OSR2: variants seen among roughly 807,000 people sequenced by gnomAD.
OSR2 encodes protein odd-skipped-related 2.
In OSR2, 8 loss-of-function variants were observed where a neutral mutation model predicts 22.3. The observed-to-expected ratio is 0.36, with a 90% CI of 0.21 to 0.65. The LOEUF is 0.65. Among genes scored for constraint, OSR2 ranks in the 30% least tolerant of loss-of-function variants. The pLI is 0.66. For synonymous variants in OSR2, 179 were observed against 173.8 expected (o/e 1.03, Z -0.23); for missense variants, 311 against 413.4 (o/e 0.75, Z 2.15).
Position 98,948,298 on chromosome 8 carries a change from T to G in OSR2, c.-114-541T>G. ...GCCGGCTTCGCTCTTGCACGCCGGC[T>G]TGCCATCCGGGTAAGCGCGGGAAAG... is the stretch of plus-strand genomic sequence containing the variant. On this transcript the variant is annotated intron_variant, in intron 1 of 3. Coordinates refer to ENST00000297565, the MANE Select transcript of OSR2 (RefSeq NM_001142462.3). This position sits in a 1 kb window ranked among gnomAD's most constrained non-coding sequence, Gnocchi z 6.0. 1 of 1,523,750 alleles carries G rather than the reference T, an allele frequency of 6.6e-7. No homozygotes were observed. The highest frequency in any genetic ancestry group is 1.4e-5 in the African/African-American group (1 of 72,248). 94.4% of individuals were successfully genotyped at this position (1,523,750 alleles called of 1,614,324 possible).
intron 1 of OSR2, among the ~76,000 whole-genome samples, chr8:98,947,509 C>G (rs1840643689): frequency 6.6e-6 from 1 of 152,144 alleles, no homozygotes. Context: ...ACTCCTACAC[C>G]TGGGGGTCTG....
In OSR2 at chr8:98,951,504, T is replaced by C. The variant is rs1211808392; in HGVS notation, c.757-15T>C. On this transcript the variant is annotated splice_polypyrimidine_tract_variant and intron_variant, in intron 3 of 3. Coordinates refer to ENST00000297565, the MANE Select transcript of OSR2 (RefSeq NM_001142462.3). ...TGTGAAGGATTAATCCTTTGCTTGC[T>C]TCACATCTGAACAGGAATCTCCACA... The C allele has an allele frequency of 6.4e-7, 1 of 1,565,072 alleles. No individual in the cohort carries two copies. The highest frequency in any genetic ancestry group is 1.9e-5 in the Admixed American group (1 of 52,154).
chr8:98,948,939 C>A lies in OSR2; in HGVS notation c.-14C>A, dbSNP rs770061616. 6.2e-7 allele frequency: 1 copy of A among 1,613,904 alleles called. No homozygotes were observed. Among genetic ancestry groups the A allele is most frequent in the African/African-American group, 1.3e-5 (1 of 75,070 alleles). On this transcript the variant is annotated 5_prime_UTR_variant, in exon 2 of 4. Transcript: ENST00000297565. This position sits in a 1 kb window ranked among gnomAD's most constrained non-coding sequence, Gnocchi z 6.0. ...AAAGGGTTGGTCCCCTCAGCACCCC[C>A]AGCATCCCGGAAAATGGGGAGCAAG...
At chr8:98,951,125 C>A in intron 3 of OSR2, 1 of 485,448 alleles carries the variant, frequency 2.1e-6, no homozygotes, top group Non-Finnish European at 3.6e-6. Context: ...TTGTAGCTTT[C>A]AGGACATTGA....
At position 98,948,063 on chromosome 8, in the gene OSR2, T is replaced by G; in HGVS notation, c.-114-776T>G. The G allele has an allele frequency of 2.4e-6, 3 of 1,270,794 alleles. No homozygotes were observed. The highest frequency in any genetic ancestry group is 3.0e-6 in the Non-Finnish European group (3 of 990,450). The allele number at this position is 1,270,794 out of a possible 1,614,324, so 78.7% of individuals were successfully genotyped here. A position where few individuals can be genotyped will look rare whatever the true frequency, so the allele number is the denominator to read the frequency against. On this transcript the variant is annotated intron_variant, in intron 1 of 3. Coordinates refer to ENST00000297565, the MANE Select transcript of OSR2 (RefSeq NM_001142462.3). The surrounding 1 kb of genome is among the most constrained non-coding windows in gnomAD (Gnocchi z 6.0). The stretch of plus-strand genomic sequence containing the variant: ...AGCCTGAACCATCTGGAAGGGATCT[T>G]AGTCGGGGGTTGGGAGGAGAGCCCG...
Position 98,948,313 on chromosome 8 carries a change from G to T in OSR2, c.-114-526G>T. The T allele has an allele frequency of 1.3e-6, 2 of 1,525,022 alleles. No homozygotes were observed. Among genetic ancestry groups the T allele is most frequent in the Non-Finnish European group, 1.8e-6 (2 of 1,140,514 alleles). The allele number at this position is 1,525,022 out of a possible 1,614,324, so 94.5% of individuals were successfully genotyped here. A position where few individuals can be genotyped will look rare whatever the true frequency, so the allele number is the denominator to read the frequency against. On this transcript the variant is annotated intron_variant, in intron 1 of 3. Transcript: ENST00000297565. This position sits in a 1 kb window ranked among gnomAD's most constrained non-coding sequence, Gnocchi z 6.0. ...GCACGCCGGCTTGCCATCCGGGTAAGCGCGGGAAAGGCGGCCACAGGGCGC... is the reference window on the plus strand; with the variant it reads ...GCACGCCGGCTTGCCATCCGGGTAATCGCGGGAAAGGCGGCCACAGGGCGC...
intron 1 of OSR2, among the ~76,000 whole-genome samples, chr8:98,947,700 C>G (rs1301644344): frequency 1.3e-5 from 2 of 152,176 alleles, no homozygotes; most frequent in African/African-American, 4.8e-5. Flanking sequence ...CTGCTTAGGC[C>G]CAGGCCGGGC....
chr8:98,950,961 G>A (rs1378559989), intron 3 of OSR2: 4 of 600,742 alleles, frequency 6.7e-6, no homozygotes, highest in African/African-American at 5.6e-5. Context: ...TCAAAAAACG[G>A]CCACTTTGAT....
At chr8:98,947,729 C>A (rs955891374) in intron 1 of OSR2, among the ~76,000 whole-genome samples, 8 of 152,198 alleles carry the variant, frequency 5.3e-5, no homozygotes, top group Middle Eastern at 3.4e-3. Flanking sequence ...GGTGGGACCG[C>A]AGCCGCACTC....
intron 1 of OSR2, among the ~76,000 whole-genome samples, chr8:98,947,353 C>G (rs1241470967): frequency 2.0e-5 from 3 of 151,550 alleles, no homozygotes; most frequent in African/African-American, 7.3e-5. Flanking sequence ...CAGATGGAAC[C>G]ATAGGCAATA....
chr8:98,946,866 G>T (rs886652192), intron 1 of OSR2, among the ~76,000 whole-genome samples: 1 of 151,958 alleles, frequency 6.6e-6, no homozygotes, highest in Non-Finnish European at 1.5e-5. Flanking sequence ...TAATAATTTC[G>T]GTTTCCTCTC....
intron 1 of OSR2, among the ~76,000 whole-genome samples, chr8:98,947,727 C>T (rs931995620): frequency 1.3e-5 from 2 of 152,296 alleles, no homozygotes; most frequent in East Asian, 1.9e-4. Flanking sequence ...GTGGTGGGAC[C>T]GCAGCCGCAC....
In OSR2 at chr8:98,949,013, T is replaced by A; in HGVS notation, c.61T>A (p.Tyr21Asn). ...CCACCCGTCGCTGCAGCTCACCAAT[T>A]ACTCCTTCCTGCAGGCCGTGAACAC... Reference protein sequence around the residue: ...PLHPSLQLTNYSFLQAVNTFP... With the variant: ...PLHPSLQLTNNSFLQAVNTFP... Residue 21 changes from tyrosine (Y) to asparagine (N), a missense_variant, in exon 2 of 4, where the codon TAC becomes AAC. Tyr to Asn is a moderately radical substitution (Grantham distance 143). Around this residue, in one of 5 missense-constraint regions of OSR2, gnomAD observed 146 missense variants for 160.5 expected, o/e 0.91. Coordinates refer to ENST00000297565, the MANE Select transcript of OSR2 (RefSeq NM_001142462.3). The surrounding 1 kb of genome is among the most constrained non-coding windows in gnomAD (Gnocchi z 5.9). The A allele has an allele frequency of 3.1e-6, 5 of 1,613,890 alleles. No homozygotes were observed. The highest frequency in any genetic ancestry group is 4.2e-6 in the Non-Finnish European group (5 of 1,179,880).
In OSR2 at chr8:98,949,928, C is replaced by G. The variant is rs1281551307; in HGVS notation, c.656+320C>G. Among the ~76,000 whole-genome samples the G allele has an allele frequency of 1.3e-5, 2 of 152,086 alleles. No homozygotes were observed. Among genetic ancestry groups the G allele is most frequent in the Non-Finnish European group, 2.9e-5 (2 of 68,012 alleles). On this transcript the variant is annotated intron_variant, in intron 2 of 3. Coordinates refer to ENST00000297565, the MANE Select transcript of OSR2 (RefSeq NM_001142462.3). This position sits in a 1 kb window ranked among gnomAD's most constrained non-coding sequence, Gnocchi z 5.9. ...AGTGGTGCAGGCAGAACCCAGGTAC[C>G]CTGGGGTGCCGGTCCTGGCTGCAGT... is the stretch of plus-strand genomic sequence containing the variant.
intron 1 of OSR2, among the ~76,000 whole-genome samples, chr8:98,947,392 A>C (rs1840639886): frequency 6.6e-6 from 1 of 150,382 alleles, no homozygotes; most frequent in Non-Finnish European, 1.5e-5. Context: ...AGGACAAGTC[A>C]GACGCAGGAA....
At chr8:98,951,443 A>AT in intron 3 of OSR2, 76 bp from the exon 4 acceptor site, 1 of 1,379,886 alleles carries the variant, frequency 7.2e-7, no homozygotes, top group Non-Finnish European at 9.9e-7. Context: ...TGTGATAACG[A>AT]TAAGACAGAA....
chr8:98,948,389 TC>T lies in OSR2; in HGVS notation c.-114-447del. On this transcript the variant is annotated intron_variant, in intron 1 of 3. Transcript: ENST00000297565. The surrounding 1 kb of genome is among the most constrained non-coding windows in gnomAD (Gnocchi z 6.0). ...CACGACCCATCCGTTAACCCACCGT[TC>T]CCAGGAGCTCCGAGGCGCAGCGGCG... is the stretch of plus-strand genomic sequence containing the variant. 1 of 1,433,566 alleles carries T rather than the reference TC, an allele frequency of 7.0e-7. No individual in the cohort carries two copies. The highest frequency in any genetic ancestry group is 2.8e-5 in the East Asian group (1 of 35,644). 88.8% of individuals were successfully genotyped at this position (1,433,566 alleles called of 1,614,324 possible). A position where few individuals can be genotyped will look rare whatever the true frequency, so the allele number is the denominator to read the frequency against.
chr8:98,945,693 G>A (rs990829530), intron 1 of OSR2, among the ~76,000 whole-genome samples: 1 of 152,238 alleles, frequency 6.6e-6, no homozygotes, highest in Non-Finnish European at 1.5e-5. Context: ...GCGCTCTGAA[G>A]GGGCAGGAAC....
Position 98,952,030 on chromosome 8 carries a change from A to G in OSR2, c.*329A>G. ...TCTTGTTGGATGCACTTAGATATGG[A>G]AAATGGAAGCCAAATTTTATCTTTA... On this transcript the variant is annotated 3_prime_UTR_variant, in exon 4 of 4. Transcript: ENST00000297565. 4.6e-6 allele frequency: 1 copy of G among 219,292 alleles called. No homozygotes were observed. Among genetic ancestry groups the G allele is most frequent in the East Asian group, 9.4e-5 (1 of 10,614 alleles). The allele number at this position is 219,292 out of a possible 1,614,324, so 13.6% of individuals were successfully genotyped here.
Sources: gnomAD v4.1 joint callset for allele counts (sites outside exome capture counted in the v4.1 genomes callset) on GRCh38, gnomAD v4.1.1 for gene constraint, gnomAD v4.1.1 regional missense constraint, Gnocchi (gnomAD v3.1) non-coding constraint, MANE v1.5 for transcripts, NCBI Gene and HGNC (gene_info 2026-07-23, HGNC 2026-07-21) for gene names.